HEMK2: variants seen among roughly 807,000 people sequenced by gnomAD.
HEMK2 encodes the protein HemK methyltransferase 2, ETF1 glutamine and histone H4 lysine.
the HEMK2 span, among the ~76,000 whole-genome samples, chr21:28,783,850 G>A: frequency 6.6e-6 from 1 of 152,206 alleles, no homozygotes; most frequent in African/African-American, 2.4e-5. Flanking sequence ...TGCACTCGGA[G>A]CGGCCGGCCG....
At chr21:28,877,259 G>GGGAAGGACGGAAGGAAGGAAGGAA in the HEMK2 span, among the ~76,000 whole-genome samples, 1 of 76,188 alleles carries the variant, frequency 1.3e-5, no homozygotes. Context: ...GGGAAGAGAA[G>GGGAAGGACGGAAGGAAGGAAGGAA]GGAAGGAAGG....
the HEMK2 span, among the ~76,000 whole-genome samples, chr21:28,594,726 C>T: frequency 6.6e-6 from 1 of 151,946 alleles, no homozygotes; most frequent in African/African-American, 2.4e-5. Context: ...TCTCTTTTTC[C>T]TTTGTAGACA....
chr21:28,599,517 T>G, the HEMK2 span, among the ~76,000 whole-genome samples: 1 of 152,054 alleles, frequency 6.6e-6, no homozygotes, highest in East Asian at 1.9e-4. Context: ...CTCCCACAAC[T>G]CATGGGAATA....
chr21:28,796,028 T>C, the HEMK2 span, among the ~76,000 whole-genome samples: 2 of 152,226 alleles, frequency 1.3e-5, no homozygotes, highest in African/African-American at 4.8e-5. Context: ...TCCTGTTTTC[T>C]CTGAAAACAA....
chr21:28,692,452 C>T, the HEMK2 span, among the ~76,000 whole-genome samples: 1 of 151,754 alleles, frequency 6.6e-6, no homozygotes, highest in Non-Finnish European at 1.5e-5. Context: ...ATATGCTTTA[C>T]AATAAGGAAA....
chr21:28,583,871 T>C, the HEMK2 span, among the ~76,000 whole-genome samples: 1 of 152,224 alleles, frequency 6.6e-6, no homozygotes, highest in African/African-American at 2.4e-5. Flanking sequence ...TCACTCTCTG[T>C]TAATATAACT....
At chr21:28,860,146 G>T in the HEMK2 span, among the ~76,000 whole-genome samples, 1 of 152,124 alleles carries the variant, frequency 6.6e-6, no homozygotes, top group Non-Finnish European at 1.5e-5. Context: ...GTTGCTAAAG[G>T]AGATTAAAAT....
At chr21:28,588,795 A>T in the HEMK2 span, among the ~76,000 whole-genome samples, 553 of 152,152 alleles carry the variant, frequency 3.6e-3, 4 homozygotes, top group African/African-American at 0.013. Flanking sequence ...CATCCTGGCT[A>T]ACACGCTGAA....
At chr21:28,757,163 G>A in the HEMK2 span, among the ~76,000 whole-genome samples, 8 of 152,196 alleles carry the variant, frequency 5.3e-5, no homozygotes, top group South Asian at 2.1e-4. Context: ...ACTCTAAGTC[G>A]ATCTATTTAT....
At chr21:28,620,320 T>C in the HEMK2 span, among the ~76,000 whole-genome samples, 2 of 152,196 alleles carry the variant, frequency 1.3e-5, no homozygotes, top group African/African-American at 4.8e-5. Flanking sequence ...TTCTATTTTT[T>C]GGAATAGTTT....
the HEMK2 span, among the ~76,000 whole-genome samples, chr21:28,796,064 T>G: frequency 6.6e-6 from 1 of 152,200 alleles, no homozygotes; most frequent in Non-Finnish European, 1.5e-5. Context: ...CTGCCTTGAC[T>G]CTATACAGAT....
chr21:28,802,721 A>G, the HEMK2 span, among the ~76,000 whole-genome samples: 1 of 152,176 alleles, frequency 6.6e-6, no homozygotes, highest in Non-Finnish European at 1.5e-5. Context: ...ACAGAGTGAG[A>G]CTCCGTCTCG....
chr21:28,793,927 C>A, the HEMK2 span, among the ~76,000 whole-genome samples: 1 of 152,274 alleles, frequency 6.6e-6, no homozygotes, highest in East Asian at 1.9e-4. Context: ...TCCACTCGAG[C>A]CTTCGGAGAG....
chr21:28,738,435 A>C, the HEMK2 span, among the ~76,000 whole-genome samples: 5 of 152,346 alleles, frequency 3.3e-5, no homozygotes, highest in South Asian at 1.0e-3. Flanking sequence ...AGGATGAGAC[A>C]AGATAAAGGG....
At chr21:28,766,588 G>C in the HEMK2 span, among the ~76,000 whole-genome samples, 2 of 151,996 alleles carry the variant, frequency 1.3e-5, no homozygotes, top group Non-Finnish European at 2.9e-5. Flanking sequence ...TAGCTGCAAA[G>C]ATATGGAACC....
At chr21:28,769,479 G>A in the HEMK2 span, among the ~76,000 whole-genome samples, 2 of 152,014 alleles carry the variant, frequency 1.3e-5, no homozygotes, top group East Asian at 3.9e-4. Flanking sequence ...TGCCCTGGGA[G>A]ACCCATATTT....
At chr21:28,809,870 A>C in the HEMK2 span, among the ~76,000 whole-genome samples, 579 of 152,320 alleles carry the variant, frequency 3.8e-3, 4 homozygotes, top group African/African-American at 0.013. Context: ...AAAATACACA[A>C]GGAAATGCTT....
At chr21:28,844,182 G>C in the HEMK2 span, among the ~76,000 whole-genome samples, 1 of 151,956 alleles carries the variant, frequency 6.6e-6, no homozygotes, top group Non-Finnish European at 1.5e-5. Context: ...TTAATTGTTT[G>C]AATTTCTCAT....
the HEMK2 span, among the ~76,000 whole-genome samples, chr21:28,722,610 G>T: frequency 6.6e-6 from 1 of 152,190 alleles, no homozygotes; most frequent in Non-Finnish European, 1.5e-5. Context: ...GGCCGGGCAC[G>T]GTGGCTCACG....
Sources: allele counts gnomAD v4.1 joint callset (sites outside exome capture counted in the v4.1 genomes callset), GRCh38; gene constraint gnomAD v4.1.1; transcripts MANE v1.5; gene names NCBI Gene and HGNC (gene_info 2026-07-23, HGNC 2026-07-21).